TRDMT1: variants seen among roughly 807,000 people sequenced by gnomAD.
TRDMT1 encodes tRNA (cytosine(38)-C(5))-methyltransferase.
TRDMT1 carries 49 observed loss-of-function variants against 51.2 expected under a neutral mutation model. The ratio of observed to expected loss-of-function variants is 0.96; its 90% CI spans 0.76 to 1.21. TRDMT1 has a LOEUF of 1.21. Among genes scored for constraint, TRDMT1 ranks in the 50% most tolerant of loss-of-function variants. TRDMT1 has a pLI of 0.00. For synonymous variants in TRDMT1, 187 were observed against 164.6 expected (o/e 1.14, Z -1.04); for missense variants, 534 against 462.3 (o/e 1.16, Z -1.42).
At chr10:17,199,434 G>C (rs1845867207) in intron 1 of TRDMT1, among the ~76,000 whole-genome samples, 1 of 152,170 alleles carries the variant, frequency 6.6e-6, no homozygotes, top group Admixed American at 6.5e-5. Flanking sequence ...CAAAAGCAAA[G>C]GCCAGAACAT....
intron 5 of TRDMT1, among the ~76,000 whole-genome samples, chr10:17,160,851 A>C (rs1300412700): frequency 2.6e-5 from 4 of 152,220 alleles, no homozygotes; most frequent in Non-Finnish European, 4.4e-5. Context: ...TAAGTTCAGC[A>C]CCTCAGAAAT....
chr10:17,151,959 G>A, intron 10 of TRDMT1: 2 of 1,259,772 alleles, frequency 1.6e-6, no homozygotes, highest in Non-Finnish European at 2.1e-6. Flanking sequence ...TCTGGGCTCT[G>A]TGCTCCTTAC....
chr10:17,166,525 A>T (rs1284660302), intron 3 of TRDMT1, among the ~76,000 whole-genome samples: 1 of 152,196 alleles, frequency 6.6e-6, no homozygotes, highest in Non-Finnish European at 1.5e-5. Flanking sequence ...ATAATAATAA[A>T]AAAAAAGCAT....
In TRDMT1 at chr10:17,144,126, T is replaced by C; in HGVS notation, c.*4914A>G. The C allele has an allele frequency of 1.0e-6, 1 of 985,456 alleles. No individual in the cohort carries two copies. The highest frequency in any genetic ancestry group is 1.2e-6 in the Non-Finnish European group (1 of 829,922). 61.0% of individuals were successfully genotyped at this position (985,456 alleles called of 1,614,324 possible). A position where few individuals can be genotyped will look rare whatever the true frequency, so the allele number is the denominator to read the frequency against. On this transcript the variant is annotated 3_prime_UTR_variant, in exon 11 of 11. Transcript: ENST00000377799. ...TAGAAAGAGACCTGAGGACGGAACC[T>C]TCAGATAAGTCAGCTCCAAGCCTCT...
chr10:17,191,807 G>A (rs1414988152), intron 1 of TRDMT1, among the ~76,000 whole-genome samples: 5 of 152,146 alleles, frequency 3.3e-5, no homozygotes, highest in South Asian at 4.2e-4. Flanking sequence ...CCCCCAAAGC[G>A]TGACTCCCCA....
At chr10:17,160,910 G>C (rs7907980) in intron 5 of TRDMT1, among the ~76,000 whole-genome samples, 20,808 of 152,130 alleles carry the variant, frequency 0.14, 1,517 homozygotes, top group Admixed American at 0.17. Flanking sequence ...AATAAATAAA[G>C]CTGCCAGATA....
At chr10:17,152,080 G>C in intron 10 of TRDMT1, 10 of 1,300,974 alleles carry the variant, frequency 7.7e-6, no homozygotes, top group Non-Finnish European at 1.0e-5. Context: ...CTGTCTTCAA[G>C]AGTATGTCTG....
At chr10:17,178,049 T>C (rs1397088046) in intron 1 of TRDMT1, among the ~76,000 whole-genome samples, 1 of 152,222 alleles carries the variant, frequency 6.6e-6, no homozygotes, top group Non-Finnish European at 1.5e-5. Context: ...AATTAAGGCA[T>C]AACCAGTCCA....
chr10:17,191,536 C>G (rs1159880812), intron 1 of TRDMT1, among the ~76,000 whole-genome samples: 1 of 152,134 alleles, frequency 6.6e-6, no homozygotes, highest in Non-Finnish European at 1.5e-5. Context: ...CAATGCTTCC[C>G]AGAAACCCAG....
intron 9 of TRDMT1, 55 bp downstream of exon 9, chr10:17,154,622 A>G: frequency 7.1e-7 from 1 of 1,417,322 alleles, no homozygotes; most frequent in African/African-American, 1.5e-5. Context: ...TCAAAGTATT[A>G]AACAATTTTA....
intron 1 of TRDMT1, among the ~76,000 whole-genome samples, chr10:17,183,786 T>C (rs1304282977): frequency 6.6e-6 from 1 of 152,198 alleles, no homozygotes; most frequent in Non-Finnish European, 1.5e-5. Context: ...ACGAAAGAAT[T>C]CAATGCTGCT....
chr10:17,157,575 T>C lies in TRDMT1; in HGVS notation c.753A>G (p.Lys251=). The C allele has an allele frequency of 6.2e-7, 1 of 1,614,110 alleles. No individual in the cohort carries two copies. ...KNQQDSDLSV[K]MLKDFLEDDT... is the part of the protein sequence containing the mutation. ...CATCTTCAAGAAAATCTTTTAGCAT[T>C]TTCACAGAGAGATCACTATCTTGTT... The change falls in exon 8 of 11, where the codon AAA becomes AAG. Residue 251 remains lysine (K), a synonymous_variant. Transcript: ENST00000377799.
In TRDMT1 at chr10:17,159,189, G is replaced by A; in HGVS notation, c.500C>T (p.Ala167Val). Residue 167 changes from alanine (A) to valine (V), a missense_variant, in exon 7 of 11, where the codon GCA becomes GTA. Coordinates refer to ENST00000377799, the MANE Select transcript of TRDMT1 (RefSeq NM_004412.7). ...PNSRLRYFLI[A>V]KLQSEPLPFQ... ...GGGTAATGGCTCTGACTGAAGCTTTGCAATAAGAAAATATCGTAGCCTTGA... is the reference window on the plus strand; with the variant it reads ...GGGTAATGGCTCTGACTGAAGCTTTACAATAAGAAAATATCGTAGCCTTGA... 1 of 1,603,620 alleles carries A rather than the reference G, an allele frequency of 6.2e-7. No individual in the cohort carries two copies. The highest frequency in any genetic ancestry group is 1.7e-5 in the Admixed American group (1 of 58,794).
rs1366299360 is a variant in TRDMT1 at position 17,140,845 on chromosome 10, T to C, written c.*8195A>G. Among the ~76,000 whole-genome samples, 2 of 152,238 alleles carry C rather than the reference T, an allele frequency of 1.3e-5. No individual in the cohort carries two copies. The highest frequency in any genetic ancestry group is 3.8e-4 in the East Asian group (2 of 5,196). ...TCCAATCTATTTTTAGATGAATAAT[T>C]TCACAGTTATAATCATTAGCTATAC... is the stretch of plus-strand genomic sequence containing the variant. On this transcript the variant is annotated 3_prime_UTR_variant, in exon 11 of 11. Transcript: ENST00000377799.
At chr10:17,177,625 G>C (rs117774392) in intron 1 of TRDMT1, among the ~76,000 whole-genome samples, 1,560 of 152,134 alleles carry the variant, frequency 0.01, 15 homozygotes, top group Non-Finnish European at 0.017. Flanking sequence ...TATTTCAAGA[G>C]AGACTTCTAG....
chr10:17,197,521 T>C (rs1321431298), intron 1 of TRDMT1, among the ~76,000 whole-genome samples: 1 of 152,218 alleles, frequency 6.6e-6, no homozygotes, highest in Non-Finnish European at 1.5e-5. Context: ...TTGAGGCAAA[T>C]CTATCATGTT....
At chr10:17,160,864 T>C (rs1840255334) in intron 5 of TRDMT1, among the ~76,000 whole-genome samples, 1 of 152,182 alleles carries the variant, frequency 6.6e-6, no homozygotes, top group Non-Finnish European at 1.5e-5. Context: ...TCAGAAATAA[T>C]ATTGAATCAA....
Position 17,148,501 on chromosome 10 carries a change from C to T in TRDMT1, c.*539G>A, listed in dbSNP as rs1031359393. ...AAACATTTAGGATTATTTTTCCTGACATATTCTTCAGTCTGCTGTATAAAC... is the reference window on the plus strand; with the variant it reads ...AAACATTTAGGATTATTTTTCCTGATATATTCTTCAGTCTGCTGTATAAAC... On this transcript the variant is annotated 3_prime_UTR_variant, in exon 11 of 11. Coordinates refer to ENST00000377799, the MANE Select transcript of TRDMT1 (RefSeq NM_004412.7). The T allele has an allele frequency of 1.0e-6, 1 of 985,274 alleles. No individual in the cohort carries two copies. The highest frequency in any genetic ancestry group is 1.1e-4 in the East Asian group (1 of 8,830). The allele number at this position is 985,274 out of a possible 1,614,324, so 61.0% of individuals were successfully genotyped here.
intron 1 of TRDMT1, among the ~76,000 whole-genome samples, chr10:17,185,613 T>C (rs1012601312): frequency 6.6e-6 from 1 of 152,164 alleles, no homozygotes; most frequent in African/African-American, 2.4e-5. Flanking sequence ...CACACGTATG[T>C]TTATTGCGGC....
Sources: gnomAD v4.1 joint callset for allele counts (sites outside exome capture counted in the v4.1 genomes callset) on GRCh38, gnomAD v4.1.1 for gene constraint, MANE v1.5 for transcripts, NCBI Gene and HGNC (gene_info 2026-07-23, HGNC 2026-07-21) for gene names.